Variants in EPHA3 observed in about 807,000 individuals in gnomAD.
The protein encoded by EPHA3 is ephrin type-A receptor 3.
Under a neutral mutation model 107.1 loss-of-function variants are expected in EPHA3, and 42 were observed. The ratio of observed to expected loss-of-function variants is 0.39; its 90% CI spans 0.31 to 0.51. The LOEUF (loss-of-function observed/expected upper bound fraction) is 0.51, where lower values mean the gene tolerates loss of function less well. Among genes scored for constraint, EPHA3 ranks in the 20% least tolerant of loss-of-function variants. EPHA3 has a pLI of 0.78. For missense variants in EPHA3, 1,183 were observed against 1,211.2 expected (o/e 0.98, Z 0.35); for synonymous variants, 461 against 424.8 (o/e 1.09, Z -1.05).
chr3:89,173,191 T>C (rs1296326372), intron 2 of EPHA3, among the ~76,000 whole-genome samples: 2 of 152,090 alleles, frequency 1.3e-5, no homozygotes, highest in African/African-American at 4.8e-5. Context: ...TAGAGATGCA[T>C]CAAGTATTGA....
intron 5 of EPHA3, among the ~76,000 whole-genome samples, chr3:89,348,820 T>C (rs1233689576): frequency 6.9e-6 from 1 of 143,942 alleles, no homozygotes; most frequent in Non-Finnish European, 1.5e-5. Flanking sequence ...GTCGTGTCTT[T>C]GTTCTTGTTG....
Position 89,480,079 on chromosome 3 carries a change from G to C in EPHA3, c.*577G>C. 4.3e-6 allele frequency: 1 copy of C among 232,626 alleles called. No individual in the cohort carries two copies. Among genetic ancestry groups the C allele is most frequent in the Non-Finnish European group, 8.5e-6 (1 of 117,484 alleles). 14.4% of individuals were successfully genotyped at this position (232,626 alleles called of 1,614,324 possible). A position where few individuals can be genotyped will look rare whatever the true frequency, so the allele number is the denominator to read the frequency against. ...TTTAAGTACTACACATTTTTAAATTGTTAGCTTCCTTAAGTATATCATGTA... is the reference window on the plus strand; with the variant it reads ...TTTAAGTACTACACATTTTTAAATTCTTAGCTTCCTTAAGTATATCATGTA... On this transcript the variant is annotated 3_prime_UTR_variant, in exon 17 of 17. Coordinates refer to ENST00000336596, the MANE Select transcript of EPHA3 (RefSeq NM_005233.6).
chr3:89,358,615 A>G (rs1708018574), intron 5 of EPHA3, among the ~76,000 whole-genome samples: 1 of 151,260 alleles, frequency 6.6e-6, no homozygotes, highest in African/African-American at 2.4e-5. Flanking sequence ...CCAGCTGCCA[A>G]GAGAATTCAA....
At position 89,354,111 on chromosome 3, in the gene EPHA3, CAG is replaced by C. The variant is rs1433869730; in HGVS notation, c.1306+12023_1306+12024del. ...CCAAGGGCAAAAAATATTTAATTCA[CAG>C]AAAGTTTTCTCATCCTTATTTTCCA... On this transcript the variant is annotated intron_variant, in intron 5 of 16. Coordinates refer to ENST00000336596, the MANE Select transcript of EPHA3 (RefSeq NM_005233.6). 1.3e-5 allele frequency among the ~76,000 whole-genome samples: 2 copies of C among 151,266 alleles called. 1 individual carries two copies. The highest frequency in any genetic ancestry group is 3.0e-5 in the Non-Finnish European group (2 of 67,584).
At chr3:89,217,814 G>A (rs549402182) in intron 3 of EPHA3, among the ~76,000 whole-genome samples, 12 of 152,260 alleles carry the variant, frequency 7.9e-5, no homozygotes, top group African/African-American at 2.9e-4. Context: ...CAAAGAGAAA[G>A]TATATGCTAT....
At chr3:89,242,591 C>T (rs911382884) in intron 3 of EPHA3, among the ~76,000 whole-genome samples, 1 of 152,040 alleles carries the variant, frequency 6.6e-6, no homozygotes, top group Non-Finnish European at 1.5e-5. Flanking sequence ...GCGCCCACCA[C>T]CACACCTGGC....
At position 89,114,533 on chromosome 3, in the gene EPHA3, T is replaced by C. The variant is rs1159390490; in HGVS notation, c.88+6697T>C. 5.3e-5 allele frequency among the ~76,000 whole-genome samples: 8 copies of C among 152,286 alleles called. No individual in the cohort carries two copies. The East Asian group carries it at 1.4e-3, about 26-fold the overall frequency. On this transcript the variant is annotated intron_variant, in intron 1 of 16. Coordinates refer to ENST00000336596, the MANE Select transcript of EPHA3 (RefSeq NM_005233.6). ...AGCCCTCTGGAGGCCAGTGGGTTCT[T>C]TGTGCACAAGTCTCTCCGCGCCTGG... is the stretch of plus-strand genomic sequence containing the variant.
chr3:89,305,015 T>C (rs1706580666), intron 3 of EPHA3, among the ~76,000 whole-genome samples: 2 of 152,224 alleles, frequency 1.3e-5, no homozygotes, highest in African/African-American at 4.8e-5. Context: ...GTTCATTTCA[T>C]GGATTATTTT....
At position 89,347,598 on chromosome 3, in the gene EPHA3, C is replaced by T. The variant is rs1478511839; in HGVS notation, c.1306+5508C>T. Among the ~76,000 whole-genome samples, 323 of 150,042 alleles carry T rather than the reference C, an allele frequency of 2.2e-3. 3 individuals carry two copies. The highest frequency in any genetic ancestry group is 7.5e-3 in the African/African-American group (308 of 40,814). Reference sequence around the variant, plus strand: ...GACTTCCTCTTTTCCTAATTGAATACCCTTTATTTCCTTCTCCTGCCTAAT... The same window carrying T: ...GACTTCCTCTTTTCCTAATTGAATATCCTTTATTTCCTTCTCCTGCCTAAT... On this transcript the variant is annotated intron_variant, in intron 5 of 16. Transcript: ENST00000336596.
At chr3:89,222,843 A>G (rs1031179912) in intron 3 of EPHA3, among the ~76,000 whole-genome samples, 6 of 152,204 alleles carry the variant, frequency 3.9e-5, no homozygotes, top group African/African-American at 1.4e-4. Context: ...GAAGCTTTAC[A>G]CTTCATTAAG....
intron 3 of EPHA3, among the ~76,000 whole-genome samples, chr3:89,239,739 G>A (rs139637989): frequency 1.3e-5 from 2 of 152,196 alleles, no homozygotes; most frequent in Admixed American, 1.3e-4. Flanking sequence ...AGTAATCTCT[G>A]CACAAGATAA....
At chr3:89,333,588 T>C (rs933674829) in intron 3 of EPHA3, among the ~76,000 whole-genome samples, 1 of 152,094 alleles carries the variant, frequency 6.6e-6, no homozygotes, top group African/African-American at 2.4e-5. Flanking sequence ...AAAACCTAAC[T>C]GCAGGCTGGG....
chr3:89,442,390 A>G (rs1032574544), intron 13 of EPHA3, among the ~76,000 whole-genome samples: 1 of 152,096 alleles, frequency 6.6e-6, no homozygotes, highest in African/African-American at 2.4e-5. Flanking sequence ...CCTCATGTGG[A>G]TTACTTTCCC....
At chr3:89,311,669 A>G (rs538512655) in intron 3 of EPHA3, among the ~76,000 whole-genome samples, 1 of 152,174 alleles carries the variant, frequency 6.6e-6, no homozygotes, top group Non-Finnish European at 1.5e-5. Context: ...CTTAAAATTC[A>G]TGTTTATTAT....
chr3:89,430,380 A>C (rs1478992164), intron 12 of EPHA3, among the ~76,000 whole-genome samples: 1 of 152,162 alleles, frequency 6.6e-6, no homozygotes, highest in Non-Finnish European at 1.5e-5. Flanking sequence ...CCATTAGCCA[A>C]ATAAAAATTT....
intron 9 of EPHA3, among the ~76,000 whole-genome samples, chr3:89,411,081 C>T (rs923426362): frequency 9.2e-5 from 14 of 151,598 alleles, no homozygotes; most frequent in Non-Finnish European, 1.8e-4. Flanking sequence ...ACAATAAAAA[C>T]GCTCATTAGG....
chr3:89,439,563 A>C (rs1432597338), intron 13 of EPHA3, among the ~76,000 whole-genome samples: 1 of 152,132 alleles, frequency 6.6e-6, no homozygotes, highest in Non-Finnish European at 1.5e-5. Context: ...TTCTTCAAAA[A>C]ATTGTGTTCA....
chr3:89,258,559 A>T (rs1705340731), intron 3 of EPHA3, among the ~76,000 whole-genome samples: 1 of 152,204 alleles, frequency 6.6e-6, no homozygotes, highest in Admixed American at 6.5e-5. Flanking sequence ...GAAATAATAT[A>T]TATGGAAAAA....
chr3:89,244,996 G>T (rs1405560223), intron 3 of EPHA3, among the ~76,000 whole-genome samples: 1 of 152,158 alleles, frequency 6.6e-6, no homozygotes, highest in Non-Finnish European at 1.5e-5. Context: ...AATTATTAAA[G>T]TGTATTGCAG....
Sources: allele counts gnomAD v4.1 joint callset (sites outside exome capture counted in the v4.1 genomes callset), GRCh38; gene constraint gnomAD v4.1.1; transcripts MANE v1.5; gene names NCBI Gene and HGNC (gene_info 2026-07-23, HGNC 2026-07-21).